Variants in PITPNC1 observed in about 807,000 individuals in gnomAD.
The protein encoded by PITPNC1 is phosphatidylinositol transfer protein cytoplasmic 1, also known as cytoplasmic phosphatidylinositol transfer protein 1.
Under a neutral mutation model 44.7 loss-of-function variants are expected in PITPNC1, and 18 were observed. The observed-to-expected ratio is 0.40, with a 90% CI of 0.28 to 0.60. The LOEUF is 0.60. PITPNC1 is among the 20% of genes least tolerant of loss of function. The probability of loss-of-function intolerance (pLI) is 0.39; values close to 1 mark genes in which losing one functional copy is unlikely to be tolerated. For missense variants in PITPNC1, 290 were observed against 418.4 expected (o/e 0.69, Z 2.68); for synonymous variants, 141 against 149.6 (o/e 0.94, Z 0.42).
chr17:67,672,810 C>T (rs143349221), intron 7 of PITPNC1, among the ~76,000 whole-genome samples: 1 of 152,158 alleles, frequency 6.6e-6, no homozygotes, highest in East Asian at 1.9e-4. Flanking sequence ...GCACGTGAGT[C>T]GCTAATGAGT....
At chr17:67,428,221 C>G (rs2038800819) in intron 1 of PITPNC1, among the ~76,000 whole-genome samples, 1 of 152,058 alleles carries the variant, frequency 6.6e-6, no homozygotes, top group Non-Finnish European at 1.5e-5. Context: ...GTGTTTACAG[C>G]TAGTGTCTCT....
chr17:67,497,173 T>C (rs2039963048), intron 1 of PITPNC1, among the ~76,000 whole-genome samples: 1 of 152,110 alleles, frequency 6.6e-6, no homozygotes, highest in Admixed American at 6.5e-5. Context: ...CTTATCTATG[T>C]TTTTTGTTTT....
intron 1 of PITPNC1, chr17:67,408,740 TTC>T (rs1567978474): frequency 4.6e-5 from 7 of 150,878 alleles, no homozygotes; most frequent in East Asian, 1.9e-4. Flanking sequence ...CTTTCTTTCT[TTC>T]TCTCTTTCTT....
rs117780754 is a variant in PITPNC1 at position 67,628,847 on chromosome 17, C to T, written c.367-3296C>T. 2.2e-3 allele frequency among the ~76,000 whole-genome samples: 335 copies of T among 152,254 alleles called. 7 individuals carry two copies. In the East Asian group the frequency reaches 0.043, roughly 20 times the overall value. On this transcript the variant is annotated intron_variant, in intron 5 of 8. Coordinates refer to ENST00000581322, the MANE Select transcript of PITPNC1 (RefSeq NM_012417.4). ...GCTTGCAGCTGGGGCAGAGCATGACCGAAAGTCCCCACAGGCACACTCTGC... is the reference window on the plus strand; with the variant it reads ...GCTTGCAGCTGGGGCAGAGCATGACTGAAAGTCCCCACAGGCACACTCTGC...
chr17:67,426,048 T>C (rs1038704667), intron 1 of PITPNC1, among the ~76,000 whole-genome samples: 3 of 152,344 alleles, frequency 2.0e-5, no homozygotes, highest in Admixed American at 2.0e-4. Context: ...CATCATACAC[T>C]TCCTGTGCTC....
intron 1 of PITPNC1, among the ~76,000 whole-genome samples, chr17:67,439,837 T>G (rs1399265201): frequency 6.6e-6 from 1 of 152,184 alleles, no homozygotes; most frequent in East Asian, 1.9e-4. Context: ...TTTTGCCACA[T>G]TTCTTGTTTA....
chr17:67,559,971 G>A (rs879713509), intron 4 of PITPNC1, among the ~76,000 whole-genome samples: 1 of 152,182 alleles, frequency 6.6e-6, no homozygotes, highest in Non-Finnish European at 1.5e-5. Context: ...CTCAAAAATC[G>A]TCACAGTTCT....
chr17:67,403,439 A>G (rs1394528391), intron 1 of PITPNC1, among the ~76,000 whole-genome samples: 1 of 152,224 alleles, frequency 6.6e-6, no homozygotes, highest in African/African-American at 2.4e-5. Flanking sequence ...GAAAATTTAG[A>G]AAATGGTGAA....
intron 1 of PITPNC1, among the ~76,000 whole-genome samples, chr17:67,497,803 C>T (rs573767653): frequency 1.3e-5 from 2 of 151,740 alleles, no homozygotes; most frequent in South Asian, 4.2e-4. Context: ...GCTGGGATTA[C>T]AAGCGTGAGC....
At chr17:67,432,776 A>G (rs750375019) in intron 1 of PITPNC1, among the ~76,000 whole-genome samples, 18 of 152,188 alleles carry the variant, frequency 1.2e-4, no homozygotes, top group Non-Finnish European at 2.6e-4. Flanking sequence ...CTTTGTAAAC[A>G]TCAGCTATTA....
intron 4 of PITPNC1, among the ~76,000 whole-genome samples, chr17:67,559,042 A>G (rs1371558772): frequency 6.6e-6 from 1 of 152,114 alleles, no homozygotes; most frequent in Non-Finnish European, 1.5e-5. Flanking sequence ...ACTATCTGGG[A>G]TAGGAATTGC....
intron 4 of PITPNC1, among the ~76,000 whole-genome samples, chr17:67,575,445 C>T (rs1451404705): frequency 6.6e-6 from 1 of 152,170 alleles, no homozygotes; most frequent in African/African-American, 2.4e-5. Flanking sequence ...TGATTGTTTC[C>T]GTGTTTCCTT....
chr17:67,681,637 AG>A (rs1399209281), intron 8 of PITPNC1, among the ~76,000 whole-genome samples: 88 of 143,668 alleles, frequency 6.1e-4, no homozygotes, highest in African/African-American at 2.2e-3. Context: ...AAAAAAAATC[AG>A]TCACTCAAGA....
intron 5 of PITPNC1, among the ~76,000 whole-genome samples, chr17:67,598,560 C>A (rs1208092457): frequency 6.6e-6 from 1 of 152,148 alleles, no homozygotes; most frequent in African/African-American, 2.4e-5. Context: ...CCCAGATAGA[C>A]CCCTTGTCCC....
chr17:67,410,497 C>T lies in PITPNC1; in HGVS notation c.48+32295C>T, dbSNP rs553379171. ...CTCCCAATCCCGAGTGATCCTCCCA[C>T]CTCAGCCTCCTGAGTAGCTGGGACC... On this transcript the variant is annotated intron_variant, in intron 1 of 8. Coordinates refer to ENST00000581322, the MANE Select transcript of PITPNC1 (RefSeq NM_012417.4). Among the ~76,000 whole-genome samples, 4 of 152,246 alleles carry T rather than the reference C, an allele frequency of 2.6e-5. No individual in the cohort carries two copies. The East Asian group carries it at 7.8e-4, about 30-fold the overall frequency.
chr17:67,649,403 T>C (rs2042185259), intron 6 of PITPNC1, among the ~76,000 whole-genome samples: 1 of 152,252 alleles, frequency 6.6e-6, no homozygotes, highest in Admixed American at 6.5e-5. Flanking sequence ...TTGGGCATTA[T>C]TGAAAATGCA....
chr17:67,542,557 A>G (rs2040622829), intron 2 of PITPNC1, among the ~76,000 whole-genome samples: 2 of 152,182 alleles, frequency 1.3e-5, no homozygotes, highest in African/African-American at 4.8e-5. Flanking sequence ...AGCCATGGTC[A>G]TGGTTCTTGC....
At position 67,444,435 on chromosome 17, in the gene PITPNC1, G is replaced by C. The variant is rs564027193; in HGVS notation, c.48+66233G>C. Among the ~76,000 whole-genome samples, 19 of 152,166 alleles carry C rather than the reference G, an allele frequency of 1.2e-4. No homozygotes were observed. In the East Asian group the frequency reaches 1.9e-3, roughly 15 times the overall value. The stretch of plus-strand genomic sequence containing the variant: ...CTGGAGTGGGGACTGGGTGGCGGAG[G>C]GGGGTGAGCAGAGGAAAATCTAGGC... On this transcript the variant is annotated intron_variant, in intron 1 of 8. Transcript: ENST00000581322.
intron 2 of PITPNC1, among the ~76,000 whole-genome samples, chr17:67,538,938 A>C (rs192421074): frequency 1.4e-4 from 22 of 152,106 alleles, no homozygotes; most frequent in African/African-American, 5.3e-4. Flanking sequence ...ATTTAAAAAA[A>C]AAAGAAAAAC....
Sources: gnomAD v4.1 joint callset for allele counts (sites outside exome capture counted in the v4.1 genomes callset) on GRCh38, gnomAD v4.1.1 for gene constraint, MANE v1.5 for transcripts, NCBI Gene and HGNC (gene_info 2026-07-23, HGNC 2026-07-21) for gene names.